Variants in LAMA1 observed in about 807,000 individuals in gnomAD.
LAMA1 encodes laminin subunit alpha-1.
Under a neutral mutation model 348.7 loss-of-function variants are expected in LAMA1, and 219 were observed. The observed-to-expected ratio is 0.63, with a 90% CI of 0.56 to 0.70. The LOEUF is 0.70. Among genes scored for constraint, LAMA1 ranks in the 30% least tolerant of loss-of-function variants. The pLI is 0.00. For missense variants in LAMA1, 3,744 were observed against 3,888.0 expected (o/e 0.96, Z 0.99); for synonymous variants, 1,487 against 1,491.0 (o/e 1.00, Z 0.06).
chr18:7,010,903 A>G (rs2057856714), intron 25 of LAMA1, among the ~76,000 whole-genome samples: 1 of 152,192 alleles, frequency 6.6e-6, no homozygotes, highest in Admixed American at 6.5e-5. Context: ...TGGGTCCCAT[A>G]CCACGTAATG....
At chr18:7,072,150 T>C (rs902345031) in intron 3 of LAMA1, among the ~76,000 whole-genome samples, 2 of 152,228 alleles carry the variant, frequency 1.3e-5, no homozygotes, top group Non-Finnish European at 2.9e-5. Flanking sequence ...TATTGACTTA[T>C]GAATTTCTCA....
intron 34 of LAMA1, among the ~76,000 whole-genome samples, chr18:6,994,328 G>A (rs1194475093): frequency 6.6e-6 from 1 of 152,188 alleles, no homozygotes; most frequent in Non-Finnish European, 1.5e-5. Context: ...ACACTTAGCT[G>A]TCCTCAGCTG....
chr18:7,117,667 C>T lies in LAMA1; in HGVS notation c.54G>A (p.Arg18=), dbSNP rs1403813261. The stretch of plus-strand genomic sequence containing the variant: ...GACCCGGGCCGGGCTCACCTCTCTG[C>T]CGGCACTGCGCGGCGACACACAGCA... The part of the protein sequence containing the change: ...VLLLCVAAQC[R]QRGLFPAILN... The change falls in exon 1 of 63, where the codon CGG becomes CGA. Residue 18 remains arginine, a synonymous_variant. Transcript: ENST00000389658. 3 of 1,598,418 alleles carry T rather than the reference C, an allele frequency of 1.9e-6. No individual in the cohort carries two copies. The highest frequency in any genetic ancestry group is 2.5e-6 in the Non-Finnish European group (3 of 1,178,636).
intron 1 of LAMA1, 66 bp downstream of exon 1, chr18:7,117,594 G>T: frequency 6.5e-7 from 1 of 1,533,742 alleles, no homozygotes; most frequent in Non-Finnish European, 8.8e-7. Flanking sequence ...GACGGGCTTT[G>T]TCCGCGGCCG....
rs761163718 is a variant in LAMA1 at position 6,986,242 on chromosome 18, G to A, written c.5274C>T (p.Asn1758=). 3.7e-6 allele frequency: 6 copies of A among 1,614,048 alleles called. No individual in the cohort carries two copies. In the African/African-American group the frequency reaches 4.0e-5, roughly 11 times the overall value. ...GCGCCTCAGCCGCCTTTAGTTCATT[G>A]TTGTGCTTTGAAAGGACGTGGCTTG... is the stretch of plus-strand genomic sequence containing the variant. The part of the protein sequence containing the change: ...EAASHVLSKH[N]NELKAAEALV... The change falls in exon 37 of 63, where the codon AAC becomes AAT. Residue 1758 remains asparagine, a synonymous_variant. Coordinates refer to ENST00000389658, the MANE Select transcript of LAMA1 (RefSeq NM_005559.4).
At chr18:6,988,808 T>TAAAAAAAAAA (rs1169877701) in intron 36 of LAMA1, among the ~76,000 whole-genome samples, 16 of 100,462 alleles carry the variant, frequency 1.6e-4, no homozygotes, top group Non-Finnish European at 2.8e-4. Context: ...TCCGTCTCAA[T>TAAAAAAAAAA]AAAAAAAAAA....
At chr18:7,067,964 C>T (rs554064750) in intron 3 of LAMA1, among the ~76,000 whole-genome samples, 56 of 152,246 alleles carry the variant, frequency 3.7e-4, no homozygotes, top group African/African-American at 1.3e-3. Context: ...AGCGATTCTC[C>T]TGGCTCAGCC....
At chr18:7,075,302 AG>A (rs1006483946) in intron 3 of LAMA1, among the ~76,000 whole-genome samples, 29 of 151,616 alleles carry the variant, frequency 1.9e-4, no homozygotes, top group African/African-American at 3.9e-4. Flanking sequence ...AGAAAAGAGG[AG>A]GGGGGGGAAG....
chr18:7,117,407 GGCTTTA>G (rs1482360845), intron 1 of LAMA1, among the ~76,000 whole-genome samples: 1 of 151,806 alleles, frequency 6.6e-6, no homozygotes, highest in Non-Finnish European at 1.5e-5. Context: ...GGCGAGGCTG[GGCTTTA>G]ACCCCAAAGC....
At chr18:7,060,248 TATCTC>T (rs2058097404) in intron 3 of LAMA1, among the ~76,000 whole-genome samples, 1 of 151,976 alleles carries the variant, frequency 6.6e-6, no homozygotes, top group Non-Finnish European at 1.5e-5. Context: ...TTTTAACTGT[TATCTC>T]ATTTTAGGAG....
At chr18:6,955,952 C>T (rs1237939338) in intron 56 of LAMA1, 1 of 315,130 alleles carries the variant, frequency 3.2e-6, no homozygotes, top group Admixed American at 4.3e-5. Context: ...ACAAGAGGAG[C>T]CAGGCGGGAA....
At chr18:7,079,757 G>T in intron 3 of LAMA1, 1 of 573,022 alleles carries the variant, frequency 1.7e-6, no homozygotes, top group Non-Finnish European at 3.1e-6. Flanking sequence ...CCATATGGAA[G>T]CAATTTCACC....
intron 36 of LAMA1, among the ~76,000 whole-genome samples, chr18:6,991,590 T>G (rs952095330): frequency 6.6e-6 from 1 of 151,888 alleles, no homozygotes; most frequent in African/African-American, 2.4e-5. Flanking sequence ...GGGTTTTGCC[T>G]TGTTGGCCAG....
At chr18:7,007,920 T>G (rs1194762422) in intron 28 of LAMA1, among the ~76,000 whole-genome samples, 2 of 151,544 alleles carry the variant, frequency 1.3e-5, no homozygotes, top group Non-Finnish European at 2.9e-5. Flanking sequence ...CACTTTTATT[T>G]ATTTATTTAT....
intron 61 of LAMA1, among the ~76,000 whole-genome samples, chr18:6,946,461 T>C (rs1191408144): frequency 6.6e-6 from 1 of 151,974 alleles, no homozygotes; most frequent in Non-Finnish European, 1.5e-5. Context: ...TGCATAATGT[T>C]TGTAATCCCA....
chr18:7,080,893 T>A (rs910562078), intron 1 of LAMA1, among the ~76,000 whole-genome samples: 1 of 152,188 alleles, frequency 6.6e-6, no homozygotes, highest in Non-Finnish European at 1.5e-5. Context: ...CCAATGTACA[T>A]GCGGAAATGT....
intron 1 of LAMA1, among the ~76,000 whole-genome samples, chr18:7,089,087 A>G (rs939672359): frequency 1.3e-5 from 2 of 151,770 alleles, no homozygotes; most frequent in Admixed American, 6.6e-5. Flanking sequence ...AAGGTAAAGA[A>G]ACCTGCTAGG....
intron 55 of LAMA1, among the ~76,000 whole-genome samples, chr18:6,958,074 T>G (rs188747843): frequency 1.3e-5 from 2 of 152,182 alleles, no homozygotes; most frequent in Non-Finnish European, 2.9e-5. Flanking sequence ...CAGTAATTGT[T>G]TTTGGGGAAG....
chr18:7,064,607 C>T (rs2058115127), intron 3 of LAMA1, among the ~76,000 whole-genome samples: 1 of 152,174 alleles, frequency 6.6e-6, no homozygotes, highest in South Asian at 2.1e-4. Flanking sequence ...GTGGCATTTC[C>T]TGAACAGCAA....
Sources: allele counts gnomAD v4.1 joint callset (sites outside exome capture counted in the v4.1 genomes callset), GRCh38; gene constraint gnomAD v4.1.1; transcripts MANE v1.5; gene names NCBI Gene and HGNC (gene_info 2026-07-23, HGNC 2026-07-21).